The following CENPW variants were observed in gnomAD, a reference collection of about 807,000 sequenced individuals.
CENPW encodes centromere protein W.
Under a neutral mutation model 11.1 loss-of-function variants are expected in CENPW, and 3 were observed. The observed-to-expected ratio is 0.27, with a 90% CI of 0.12 to 0.70. The LOEUF is 0.70. CENPW is among the 30% of genes least tolerant of loss of function. The pLI, the probability that CENPW is intolerant of heterozygous loss-of-function variation, is 0.77. For missense variants in CENPW, 100 were observed against 105.6 expected (o/e 0.95, Z 0.23); for synonymous variants, 38 against 42.0 (o/e 0.91, Z 0.37).
the CENPW span, among the ~76,000 whole-genome samples, chr6:126,416,924 GA>G: frequency 6.6e-6 from 1 of 152,300 alleles, no homozygotes; most frequent in East Asian, 1.9e-4. Flanking sequence ...CTACCTAGTG[GA>G]ACTGTGAGAA....
rs549246324 is a variant in CENPW, at chr6:126,342,144, A to C, written c.126+1745A>C. Among the ~76,000 whole-genome samples, 49 of 152,336 alleles carry C rather than the reference A, an allele frequency of 3.2e-4. 1 individual carries two copies. In the South Asian group the frequency reaches 9.5e-3, roughly 30 times the overall value. ...TACCCAGTTCAATGAGTTAGCAAAA[A>C]GTTCAATGAATTAGCATTAAACTAC... On this transcript the variant is annotated intron_variant, in intron 1 of 2. Transcript: ENST00000368328.
the CENPW span, among the ~76,000 whole-genome samples, chr6:126,434,920 A>G: frequency 6.6e-6 from 1 of 151,994 alleles, no homozygotes; most frequent in East Asian, 1.9e-4. Context: ...ATTGCTGTCT[A>G]TTCTATTCCT....
At chr6:126,386,989 A>G in the CENPW span, among the ~76,000 whole-genome samples, 2 of 152,010 alleles carry the variant, frequency 1.3e-5, no homozygotes, top group African/African-American at 4.8e-5. Context: ...TTTACTACAA[A>G]TAAATTAGTT....
chr6:126,450,733 G>T, the CENPW span, among the ~76,000 whole-genome samples: 1 of 150,858 alleles, frequency 6.6e-6, no homozygotes, highest in Non-Finnish European at 1.5e-5. Flanking sequence ...TTTACAGAAT[G>T]TTATATATTA....
At chr6:126,442,110 A>G in the CENPW span, among the ~76,000 whole-genome samples, 11 of 151,492 alleles carry the variant, frequency 7.3e-5, no homozygotes, top group Non-Finnish European at 1.3e-4. Flanking sequence ...CCATGCCAAC[A>G]TCTATTATGT....
At chr6:126,365,615 A>G in the CENPW span, among the ~76,000 whole-genome samples, 1 of 152,170 alleles carries the variant, frequency 6.6e-6, no homozygotes, top group Non-Finnish European at 1.5e-5. Flanking sequence ...AATTTGACAT[A>G]AGATTTGGGT....
At chr6:126,448,930 A>C in the CENPW span, among the ~76,000 whole-genome samples, 1 of 151,152 alleles carries the variant, frequency 6.6e-6, no homozygotes, top group Admixed American at 6.6e-5. Flanking sequence ...TTCAAACTGA[A>C]TATTCATTCA....
Position 126,346,315 on chromosome 6 carries a change from A to G in CENPW, c.237A>G (p.Ala79=). 1.9e-6 allele frequency: 3 copies of G among 1,578,646 alleles called. No individual in the cohort carries two copies. The highest frequency in any genetic ancestry group is 2.6e-6 in the Non-Finnish European group (3 of 1,155,166). The change falls in exon 2 of 3, where the codon GCA becomes GCG. Residue 79 remains alanine (A), a synonymous_variant. Coordinates refer to ENST00000368328, the MANE Select transcript of CENPW (RefSeq NM_001012507.4). ...ACAAGGAGCATGTACTGGCCGCAGC[A>G]AAGGTAAAATCCAAATTTCTTTTCT... ...VINKEHVLAA[A]KVILKKSRG
intron 1 of CENPW, among the ~76,000 whole-genome samples, chr6:126,343,699 G>A (rs1444992089): frequency 6.6e-6 from 1 of 152,236 alleles, no homozygotes; most frequent in African/African-American, 2.4e-5. Context: ...TCCAGCACGG[G>A]AGAGAGATGA....
the CENPW span, among the ~76,000 whole-genome samples, chr6:126,384,062 C>T: frequency 3.3e-5 from 5 of 152,238 alleles, no homozygotes; most frequent in East Asian, 7.7e-4. Flanking sequence ...TCTTGGACCA[C>T]AGTGCAATAA....
chr6:126,464,446 G>T, the CENPW span, among the ~76,000 whole-genome samples: 3 of 152,110 alleles, frequency 2.0e-5, no homozygotes, highest in Non-Finnish European at 4.4e-5. Flanking sequence ...AGTGCACTGG[G>T]AGAGGTAGGC....
the CENPW span, among the ~76,000 whole-genome samples, chr6:126,424,808 A>G: frequency 1.3e-5 from 2 of 152,068 alleles, no homozygotes; most frequent in African/African-American, 4.8e-5. Context: ...GAGAAGAATC[A>G]TTATCAGAGT....
chr6:126,440,784 A>G, the CENPW span, among the ~76,000 whole-genome samples: 1 of 151,502 alleles, frequency 6.6e-6, no homozygotes. Context: ...GCTTAATAAC[A>G]TTTTAATAGA....
the CENPW span, among the ~76,000 whole-genome samples, chr6:126,466,758 G>A: frequency 9.2e-5 from 14 of 152,052 alleles, no homozygotes; most frequent in African/African-American, 3.4e-4. Context: ...TGACCCAAAA[G>A]CTCCTTCAGC....
chr6:126,445,475 A>T, the CENPW span, among the ~76,000 whole-genome samples: 1 of 151,200 alleles, frequency 6.6e-6, no homozygotes, highest in Non-Finnish European at 1.5e-5. Flanking sequence ...AGAGGATTTG[A>T]ACTCTTTTCC....
the CENPW span, among the ~76,000 whole-genome samples, chr6:126,447,973 T>C: frequency 6.6e-6 from 1 of 151,308 alleles, no homozygotes; most frequent in Non-Finnish European, 1.5e-5. Flanking sequence ...ATTCGCTTCC[T>C]GTTCCAGGGT....
the CENPW span, among the ~76,000 whole-genome samples, chr6:126,378,443 T>C: frequency 6.8e-6 from 1 of 147,500 alleles, no homozygotes; most frequent in East Asian, 2.2e-4. Flanking sequence ...ATAAGGGCCA[T>C]TAAAGTTAAA....
the CENPW span, among the ~76,000 whole-genome samples, chr6:126,413,661 G>A: frequency 6.6e-6 from 1 of 151,636 alleles, no homozygotes; most frequent in East Asian, 1.9e-4. Flanking sequence ...AGCTCTGGTA[G>A]AACAGATACA....
chr6:126,415,382 G>T, the CENPW span, among the ~76,000 whole-genome samples: 2 of 151,942 alleles, frequency 1.3e-5, no homozygotes, highest in African/African-American at 4.8e-5. Context: ...ATCTTTGTGT[G>T]TGCTGAATAA....
Sources: gnomAD v4.1 joint callset for allele counts (sites outside exome capture counted in the v4.1 genomes callset) on GRCh38, gnomAD v4.1.1 for gene constraint, MANE v1.5 for transcripts, NCBI Gene and HGNC (gene_info 2026-07-23, HGNC 2026-07-21) for gene names.